OBI1: variants seen among roughly 807,000 people sequenced by gnomAD.
The protein encoded by OBI1 is ring finger protein 219.
Under a neutral mutation model 62.4 loss-of-function variants are expected in OBI1, and 59 were observed. That is an observed-to-expected ratio of 0.95 (90% CI 0.77 to 1.17). OBI1 has a LOEUF of 1.17. Among genes scored for constraint, OBI1 ranks in the 50% most tolerant of loss-of-function variants. The pLI is 0.00. For missense variants in OBI1, 875 were observed against 830.9 expected (o/e 1.05, Z -0.65); for synonymous variants, 302 against 292.8 (o/e 1.03, Z -0.32).
At chr13:78,648,279 AAC>A (rs3064402) in intron 1 of OBI1, among the ~76,000 whole-genome samples, 85,111 of 146,592 alleles carry the variant, frequency 0.58, 25,840 homozygotes, top group Middle Eastern at 0.74. Context: ...ACTTCCCCCA[AAC>A]ACACACACAC....
At chr13:78,637,524 C>T (rs940353565) in intron 4 of OBI1, among the ~76,000 whole-genome samples, 2 of 152,194 alleles carry the variant, frequency 1.3e-5, no homozygotes, top group African/African-American at 2.4e-5. Context: ...ACTGCCAAAA[C>T]TTTAAACGAA....
intron 5 of OBI1, among the ~76,000 whole-genome samples, chr13:78,623,585 T>C (rs759526800): frequency 6.6e-5 from 10 of 152,238 alleles, no homozygotes; most frequent in Admixed American, 3.3e-4. Flanking sequence ...TCTGAACCCA[T>C]ACACCATGTT....
intron 3 of OBI1, among the ~76,000 whole-genome samples, chr13:78,641,050 C>T (rs1388113890): frequency 6.6e-6 from 1 of 152,100 alleles, no homozygotes; most frequent in East Asian, 1.9e-4. Flanking sequence ...TGGGTTAGAA[C>T]TTCTTACTAT....
chr13:78,650,232 GAAT>G (rs1423030104), intron 1 of OBI1, among the ~76,000 whole-genome samples: 2 of 152,086 alleles, frequency 1.3e-5, no homozygotes, highest in Non-Finnish European at 2.9e-5. Flanking sequence ...AAATGACCAC[GAAT>G]AATAAGGGAA....
In OBI1 at chr13:78,644,968, G is replaced by T; in HGVS notation, c.102C>A (p.Asn34Lys). 6.2e-7 allele frequency: 1 copy of T among 1,613,618 alleles called. No homozygotes were observed. The highest frequency in any genetic ancestry group is 8.5e-7 in the Non-Finnish European group (1 of 1,179,798). ...CAATACAAATCGAACAAAATACATG[G>T]TTGTTGATGCATATGACAGGCTGAC... ...KVRQPVICIN[N>K]HVFCSICIDL... Residue 34 changes from asparagine to lysine, a missense_variant, in exon 2 of 6, where the codon AAC (asparagine) becomes AAA (lysine). By Grantham distance (94) the Asn-to-Lys change is moderately conservative (BLOSUM62 0). Transcript: ENST00000282003.
intron 1 of OBI1, among the ~76,000 whole-genome samples, chr13:78,657,112 TG>T (rs1876735572): frequency 6.6e-6 from 1 of 152,192 alleles, no homozygotes; most frequent in African/African-American, 2.4e-5. Context: ...TTTCCTTATC[TG>T]TAACAGTAGA....
At chr13:78,622,493 T>C (rs1243465696) in intron 5 of OBI1, among the ~76,000 whole-genome samples, 1 of 152,216 alleles carries the variant, frequency 6.6e-6, no homozygotes, top group Non-Finnish European at 1.5e-5. Context: ...GAATGATCCA[T>C]TCATAGAATG....
At chr13:78,620,709 T>A in intron 5 of OBI1, 1 of 455,478 alleles carries the variant, frequency 2.2e-6, no homozygotes, top group South Asian at 1.6e-5. Flanking sequence ...GGAAGTCCTA[T>A]TGGTATGACC....
intron 1 of OBI1, 29 bp from the exon 2 acceptor site, chr13:78,645,026 A>C: frequency 6.3e-7 from 1 of 1,580,420 alleles, no homozygotes; most frequent in Non-Finnish European, 8.6e-7. Context: ...CTTTTAGTAC[A>C]GGACAACGGT....
chr13:78,635,873 C>T (rs967727826), intron 4 of OBI1, among the ~76,000 whole-genome samples: 1 of 152,126 alleles, frequency 6.6e-6, no homozygotes, highest in African/African-American at 2.4e-5. Flanking sequence ...GGTGATTCTC[C>T]TGTCTCAGCC....
At position 78,639,103 on chromosome 13, in the gene OBI1, CAT is replaced by C. The variant is rs1473274980; in HGVS notation, c.301-34_301-33del. The C allele has an allele frequency of 1.9e-6, 3 of 1,594,540 alleles. No homozygotes were observed. In the African/African-American group the frequency reaches 4.0e-5, roughly 21 times the overall value. ...AAGCATTGCATAGTCATGAGGCAGG[CAT>C]AGACACTAAACACATACATACATAT... On this transcript the variant is annotated intron_variant, in intron 3 of 5. Coordinates refer to ENST00000282003, the MANE Select transcript of OBI1 (RefSeq NM_024546.4).
rs776223391 is a variant in OBI1 at position 78,638,806 on chromosome 13, TA to T, written c.549+16del. On this transcript the variant is annotated intron_variant, in intron 4 of 5. Transcript: ENST00000282003. ...TTTAAAAACAACCATAATAGATTTTTAAAAACCACAACTTACCTCCTTTAGC... is the reference window on the plus strand; with the variant it reads ...TTTAAAAACAACCATAATAGATTTTTAAAACCACAACTTACCTCCTTTAGC... 2.5e-6 allele frequency: 4 copies of T among 1,592,038 alleles called. No homozygotes were observed. The highest frequency in any genetic ancestry group is 2.6e-6 in the Non-Finnish European group (3 of 1,172,130).
At chr13:78,640,401 C>T (rs567883245) in intron 3 of OBI1, among the ~76,000 whole-genome samples, 1 of 152,164 alleles carries the variant, frequency 6.6e-6, no homozygotes, top group South Asian at 2.1e-4. Context: ...AAGTAAATGT[C>T]ATACAAATAG....
intron 1 of OBI1, among the ~76,000 whole-genome samples, chr13:78,648,351 T>C (rs765208625): frequency 3.3e-5 from 5 of 151,654 alleles, no homozygotes; most frequent in Non-Finnish European, 1.5e-5. Flanking sequence ...AAGTACTATA[T>C]GCCCCAAAAT....
At chr13:78,643,695 G>A (rs1276600252) in intron 2 of OBI1, among the ~76,000 whole-genome samples, 1 of 152,054 alleles carries the variant, frequency 6.6e-6, no homozygotes, top group Non-Finnish European at 1.5e-5. Context: ...GGCTGAGGGA[G>A]GAGAATCGCT....
At chr13:78,635,298 C>G in intron 4 of OBI1, 100 bp from the exon 5 acceptor site, 1 of 694,214 alleles carries the variant, frequency 1.4e-6, no homozygotes, top group Non-Finnish European at 2.5e-6. Flanking sequence ...GTGATAATAT[C>G]AGAAAACTGA....
intron 2 of OBI1, 101 bp from the exon 3 acceptor site, chr13:78,642,314 T>G (rs1593797131): frequency 1.4e-6 from 1 of 736,142 alleles, no homozygotes; most frequent in East Asian, 2.6e-5. Flanking sequence ...CAGCTTCACA[T>G]CTACCCTTCC....
chr13:78,618,615 G>A (rs1384419562), intron 5 of OBI1, among the ~76,000 whole-genome samples: 3 of 151,976 alleles, frequency 2.0e-5, no homozygotes, highest in Admixed American at 2.0e-4. Flanking sequence ...ATTAGAAAGG[G>A]CTTTAAAAGA....
At chr13:78,628,043 C>G (rs927552961) in intron 5 of OBI1, among the ~76,000 whole-genome samples, 4 of 152,150 alleles carry the variant, frequency 2.6e-5, no homozygotes, top group African/African-American at 9.7e-5. Context: ...AGACAACAAA[C>G]AGGCCACGCA....
Sources: gnomAD v4.1 joint callset for allele counts (sites outside exome capture counted in the v4.1 genomes callset) on GRCh38, gnomAD v4.1.1 for gene constraint, MANE v1.5 for transcripts, NCBI Gene and HGNC (gene_info 2026-07-23, HGNC 2026-07-21) for gene names.